Variants in GRID2 observed in about 807,000 individuals in gnomAD.
GRID2 encodes glutamate ionotropic receptor delta type subunit 2.
In GRID2, 33 loss-of-function variants were observed where a neutral mutation model predicts 114.8. That is an observed-to-expected ratio of 0.29 (90% CI 0.22 to 0.38). The LOEUF (loss-of-function observed/expected upper bound fraction) is 0.38, where lower values mean the gene tolerates loss of function less well. Ranked by LOEUF, GRID2 falls within the 10% of genes least tolerant of loss-of-function variation. The pLI is 1.00. For synonymous variants in GRID2, 505 were observed against 449.9 expected, an observed-to-expected ratio of 1.12 and a Z score of -1.55; for missense variants, 1,184 against 1,257.7, an observed-to-expected ratio of 0.94 and a Z score of 0.89.
chr4:93,278,850 C>T (rs1019507860), intron 8 of GRID2, among the ~76,000 whole-genome samples: 4 of 151,658 alleles, frequency 2.6e-5, no homozygotes, highest in Non-Finnish European at 5.9e-5. Flanking sequence ...GTTTCTTTGC[C>T]TTTAAAAATT....
chr4:93,518,401 A>G (rs1730016468), intron 13 of GRID2, among the ~76,000 whole-genome samples: 1 of 152,012 alleles, frequency 6.6e-6, no homozygotes, highest in African/African-American at 2.4e-5. Context: ...GCCTTGCTTT[A>G]ACCAAGATCT....
chr4:93,440,619 GT>G (rs1221492301), intron 10 of GRID2, among the ~76,000 whole-genome samples: 1 of 152,104 alleles, frequency 6.6e-6, no homozygotes, highest in Non-Finnish European at 1.5e-5. Flanking sequence ...CATACAACCT[GT>G]TTGTATATAA....
intron 8 of GRID2, among the ~76,000 whole-genome samples, chr4:93,352,107 G>A (rs894645587): frequency 6.6e-6 from 1 of 152,030 alleles, no homozygotes; most frequent in African/African-American, 2.4e-5. Context: ...AGATTAGAGA[G>A]CACTTAATTC....
At chr4:92,569,430 C>T (rs560271629) in intron 1 of GRID2, among the ~76,000 whole-genome samples, 84 of 152,142 alleles carry the variant, frequency 5.5e-4, no homozygotes, top group African/African-American at 1.9e-3. Flanking sequence ...CTGTAATAAA[C>T]ATTCACGTGC....
intron 2 of GRID2, among the ~76,000 whole-genome samples, chr4:92,861,175 A>C (rs1744506569): frequency 6.6e-6 from 1 of 152,062 alleles, no homozygotes; most frequent in African/African-American, 2.4e-5. Flanking sequence ...TGCTGGTAAC[A>C]AATTATCACA....
At chr4:93,459,581 C>G (rs1231599634) in intron 11 of GRID2, among the ~76,000 whole-genome samples, 1 of 152,074 alleles carries the variant, frequency 6.6e-6, no homozygotes. Context: ...AGGTGACATA[C>G]CTAGATATAA....
At chr4:93,457,347 T>A (rs1723304608) in intron 11 of GRID2, among the ~76,000 whole-genome samples, 1 of 151,776 alleles carries the variant, frequency 6.6e-6, no homozygotes, top group Non-Finnish European at 1.5e-5. Context: ...ACGGTTAGGA[T>A]GGAATTTCAG....
intron 1 of GRID2, among the ~76,000 whole-genome samples, chr4:93,805,649 A>T (rs1735014224): frequency 6.6e-6 from 1 of 152,204 alleles, no homozygotes; most frequent in Non-Finnish European, 1.5e-5. Flanking sequence ...GATCACACTG[A>T]TCCCTTCTGA....
intron 8 of GRID2, among the ~76,000 whole-genome samples, chr4:93,248,575 A>G (rs994542786): frequency 1.3e-5 from 2 of 152,094 alleles, no homozygotes; most frequent in African/African-American, 4.8e-5. Flanking sequence ...TGAGAGAAAG[A>G]TATATATATC....
At chr4:93,433,865 C>T (rs559609297) in intron 10 of GRID2, among the ~76,000 whole-genome samples, 1 of 152,290 alleles carries the variant, frequency 6.6e-6, no homozygotes, top group East Asian at 1.9e-4. Flanking sequence ...TTTTTACACC[C>T]TCGTCATGTT....
chr4:92,794,905 T>TATATATATATACACAC (rs745392261), intron 2 of GRID2, among the ~76,000 whole-genome samples: 4 of 127,808 alleles, frequency 3.1e-5, no homozygotes, highest in African/African-American at 9.3e-5. Flanking sequence ...TATATATATA[T>TATATATATATACACAC]ACACACACAC....
chr4:92,821,087 T>C (rs550629257), intron 2 of GRID2, among the ~76,000 whole-genome samples: 3 of 152,300 alleles, frequency 2.0e-5, no homozygotes, highest in Non-Finnish European at 4.4e-5. Context: ...ACCATATATA[T>C]AGCCAATTTG....
At chr4:93,201,578 A>G (rs1225799496) in intron 4 of GRID2, among the ~76,000 whole-genome samples, 2 of 152,182 alleles carry the variant, frequency 1.3e-5, no homozygotes, top group Non-Finnish European at 2.9e-5. Flanking sequence ...TAAATGTGTA[A>G]TATTTAGTAC....
At chr4:92,612,321 T>C (rs1308700200) in intron 2 of GRID2, among the ~76,000 whole-genome samples, 1 of 151,484 alleles carries the variant, frequency 6.6e-6, no homozygotes, top group Non-Finnish European at 1.5e-5. Flanking sequence ...TTGATCTAAA[T>C]TCCTGTCTTT....
intron 1 of GRID2, among the ~76,000 whole-genome samples, chr4:92,469,434 G>C (rs1001876877): frequency 6.6e-6 from 1 of 151,928 alleles, no homozygotes; most frequent in African/African-American, 2.4e-5. Context: ...TATAACCTAC[G>C]CACATCTTCC....
intron 1 of GRID2, among the ~76,000 whole-genome samples, chr4:92,382,964 T>C (rs1295486102): frequency 1.3e-5 from 2 of 152,000 alleles, no homozygotes; most frequent in Admixed American, 6.6e-5. Context: ...AGCATGATGC[T>C]GACATCTGCT....
intron 11 of GRID2, among the ~76,000 whole-genome samples, chr4:93,458,459 G>C (rs1580142852): frequency 6.6e-6 from 1 of 152,076 alleles, no homozygotes; most frequent in Non-Finnish European, 1.5e-5. Flanking sequence ...TCTCCATGAG[G>C]TCACTTTGCA....
intron 2 of GRID2, among the ~76,000 whole-genome samples, chr4:92,868,902 A>C (rs1336668043): frequency 1.3e-5 from 2 of 152,130 alleles, no homozygotes; most frequent in African/African-American, 4.8e-5. Flanking sequence ...AAAAAAATCT[A>C]CTTTTTTCAA....
At chr4:93,102,294 G>T (rs536721746) in intron 3 of GRID2, among the ~76,000 whole-genome samples, 1 of 152,094 alleles carries the variant, frequency 6.6e-6, no homozygotes, top group South Asian at 2.1e-4. Flanking sequence ...TCACATTTCA[G>T]TCTTCACTGT....
Sources: gnomAD v4.1 joint callset for allele counts (sites outside exome capture counted in the v4.1 genomes callset) on GRCh38, gnomAD v4.1.1 for gene constraint, MANE v1.5 for transcripts, NCBI Gene and HGNC (gene_info 2026-07-23, HGNC 2026-07-21) for gene names.